The following NAALADL2 variants were observed in gnomAD, a reference collection of about 807,000 sequenced individuals.
NAALADL2 encodes N-acetylated alpha-linked acidic dipeptidase like 2.
Under a neutral mutation model 87.2 loss-of-function variants are expected in NAALADL2, and 76 were observed. That is an observed-to-expected ratio of 0.87 (90% CI 0.72 to 1.05). The LOEUF (loss-of-function observed/expected upper bound fraction) is 1.05. NAALADL2 is among the 50% of genes least tolerant of loss of function. The pLI, the probability that NAALADL2 is intolerant of heterozygous loss-of-function variation, is 0.00. For synonymous variants in NAALADL2, 354 were observed against 331.0 expected, an observed-to-expected ratio of 1.07 and a Z score of -0.75; for missense variants, 1,089 against 945.8, an observed-to-expected ratio of 1.15 and a Z score of -1.99.
At chr3:175,074,977 A>G (rs1197544569) in intron 1 of NAALADL2, among the ~76,000 whole-genome samples, 1 of 152,134 alleles carries the variant, frequency 6.6e-6, no homozygotes, top group Non-Finnish European at 1.5e-5. Flanking sequence ...GAAAAAATAA[A>G]ATAGGTGTTA....
intron 5 of NAALADL2, among the ~76,000 whole-genome samples, chr3:175,413,204 C>T (rs1450031978): frequency 1.4e-5 from 2 of 144,112 alleles, no homozygotes; most frequent in East Asian, 4.2e-4. Flanking sequence ...GGAGAATATC[C>T]TGGCTAACAC....
intron 10 of NAALADL2, among the ~76,000 whole-genome samples, chr3:175,577,638 T>A (rs1231650598): frequency 6.6e-6 from 1 of 152,280 alleles, no homozygotes; most frequent in Non-Finnish European, 1.5e-5. Context: ...ATACCCAGAA[T>A]ATCTAACTCC....
intron 1 of NAALADL2, among the ~76,000 whole-genome samples, chr3:175,034,351 A>G (rs1299828860): frequency 6.6e-6 from 1 of 152,184 alleles, no homozygotes; most frequent in Admixed American, 6.6e-5. Flanking sequence ...AAGTTGGATG[A>G]AACTTAATTT....
At chr3:175,046,616 G>A (rs1400431793) in intron 1 of NAALADL2, among the ~76,000 whole-genome samples, 1 of 152,090 alleles carries the variant, frequency 6.6e-6, no homozygotes, top group South Asian at 2.1e-4. Flanking sequence ...GTTGCTCTGC[G>A]ACAGCAATAA....
chr3:174,849,470 C>T (rs1485917867), intron 3 of NAALADL2, among the ~76,000 whole-genome samples: 1 of 152,048 alleles, frequency 6.6e-6, no homozygotes, highest in Non-Finnish European at 1.5e-5. Context: ...GGCACGGTGA[C>T]TCACGCCTGT....
chr3:174,559,910 C>T (rs1713377618), intron 2 of NAALADL2, among the ~76,000 whole-genome samples: 1 of 152,210 alleles, frequency 6.6e-6, no homozygotes, highest in African/African-American at 2.4e-5. Flanking sequence ...ATGCATTGTA[C>T]ACGGAATCAG....
chr3:175,481,024 T>C (rs770772522), intron 9 of NAALADL2, among the ~76,000 whole-genome samples: 4 of 151,886 alleles, frequency 2.6e-5, no homozygotes, highest in Non-Finnish European at 5.9e-5. Context: ...GTGTAATGCA[T>C]GCAGATTATG....
chr3:174,650,561 A>C (rs1214155905), intron 2 of NAALADL2, among the ~76,000 whole-genome samples: 1 of 152,162 alleles, frequency 6.6e-6, no homozygotes, highest in Non-Finnish European at 1.5e-5. Context: ...AAGATATGGA[A>C]TTCATCTTAA....
intron 2 of NAALADL2, among the ~76,000 whole-genome samples, chr3:174,577,974 C>T (rs941154418): frequency 6.6e-6 from 1 of 151,236 alleles, no homozygotes; most frequent in East Asian, 1.9e-4. Flanking sequence ...CCAGAAAGTA[C>T]AAAATTTAAA....
chr3:175,165,752 C>T (rs1467868820), intron 2 of NAALADL2, among the ~76,000 whole-genome samples: 1 of 152,106 alleles, frequency 6.6e-6, no homozygotes, highest in Non-Finnish European at 1.5e-5. Flanking sequence ...GGATGTACAT[C>T]TCTTGCTGAC....
chr3:175,620,674 C>T (rs1002318345), intron 10 of NAALADL2, among the ~76,000 whole-genome samples: 13 of 152,116 alleles, frequency 8.5e-5, no homozygotes, highest in Admixed American at 1.3e-4. Flanking sequence ...TGCAGCTCAG[C>T]GAACAGGGGC....
intron 1 of NAALADL2, among the ~76,000 whole-genome samples, chr3:174,888,956 A>C (rs1465722883): frequency 6.6e-6 from 1 of 152,152 alleles, no homozygotes; most frequent in East Asian, 1.9e-4. Context: ...ATCTCAAAAA[A>C]CTTTGTCATT....
At chr3:174,706,792 C>G (rs954688999) in intron 2 of NAALADL2, among the ~76,000 whole-genome samples, 1 of 152,090 alleles carries the variant, frequency 6.6e-6, no homozygotes, top group South Asian at 2.1e-4. Flanking sequence ...AGTCTTTAAT[C>G]CATCTTGAAT....
chr3:174,962,374 A>G (rs977371859), intron 1 of NAALADL2, among the ~76,000 whole-genome samples: 4 of 38,308 alleles, frequency 1.0e-4, no homozygotes, highest in Non-Finnish European at 2.4e-4. Context: ...ACTATGACAT[A>G]TATATATATA....
chr3:175,304,509 A>G (rs969945836), intron 4 of NAALADL2, among the ~76,000 whole-genome samples: 1 of 152,082 alleles, frequency 6.6e-6, no homozygotes, highest in African/African-American at 2.4e-5. Context: ...TCATTTCTAT[A>G]TTAGTTTGGC....
intron 2 of NAALADL2, among the ~76,000 whole-genome samples, chr3:174,579,463 A>G (rs897561854): frequency 6.6e-6 from 1 of 152,052 alleles, no homozygotes; most frequent in Non-Finnish European, 1.5e-5. Flanking sequence ...TCCCAAGAGT[A>G]TATATTGTCT....
intron 1 of NAALADL2, among the ~76,000 whole-genome samples, chr3:174,891,698 C>G (rs374715160): frequency 6.6e-6 from 1 of 152,140 alleles, no homozygotes; most frequent in East Asian, 1.9e-4. Flanking sequence ...CTCTTGGTCT[C>G]TAAGTAAACT....
At chr3:174,605,823 C>A (rs1363577819) in intron 2 of NAALADL2, among the ~76,000 whole-genome samples, 1 of 152,180 alleles carries the variant, frequency 6.6e-6, no homozygotes, top group Non-Finnish European at 1.5e-5. Context: ...CAATGGTTCT[C>A]CCAGCATGCA....
At chr3:175,286,413 G>T (rs1371677936) in intron 4 of NAALADL2, among the ~76,000 whole-genome samples, 1 of 152,256 alleles carries the variant, frequency 6.6e-6, no homozygotes, top group East Asian at 1.9e-4. Context: ...ATTAGCATAG[G>T]CACCTGTTTA....
Sources: allele counts gnomAD v4.1 joint callset (sites outside exome capture counted in the v4.1 genomes callset), GRCh38; gene constraint gnomAD v4.1.1; transcripts MANE v1.5; gene names NCBI Gene and HGNC (gene_info 2026-07-23, HGNC 2026-07-21).